PKIB: variants seen among roughly 807,000 people sequenced by gnomAD.
PKIB encodes the protein cAMP-dependent protein kinase inhibitor beta.
In PKIB, 2 loss-of-function variants were observed where a neutral mutation model predicts 4.5. That is an observed-to-expected ratio of 0.44 (90% CI 0.18 to 1.39). The LOEUF (loss-of-function observed/expected upper bound fraction) is 1.39, where lower values mean the gene tolerates loss of function less well. Ranked by LOEUF, PKIB falls within the 40% of genes most tolerant of loss-of-function variation. The pLI is 0.27. For missense variants in PKIB, 94 were observed against 92.6 expected (o/e 1.02, Z -0.06); for synonymous variants, 38 against 36.0 (o/e 1.06, Z -0.20).
rs116924275 is a variant in PKIB at position 122,535,128 on chromosome 6, C to G, written c.-247-50793C>G. ...CTTCTTTACATCTAACTGTGGAGAT[C>G]TGTTTTTAATCAATCTACGTCTGCA... is the stretch of plus-strand genomic sequence containing the variant. On this transcript the variant is annotated intron_variant, in intron 2 of 6. Coordinates refer to the PKIB transcript ENST00000392491. Among the ~76,000 whole-genome samples, 772 of 152,146 alleles carry G rather than the reference C, an allele frequency of 5.1e-3. 4 individuals carry two copies. Among genetic ancestry groups the G allele is most frequent in the Non-Finnish European group, 9.8e-3 (664 of 67,988 alleles).
chr6:122,597,194 A>G (rs935877963), intron 3 of PKIB, among the ~76,000 whole-genome samples: 11 of 152,214 alleles, frequency 7.2e-5, no homozygotes, highest in African/African-American at 2.7e-4. Flanking sequence ...ACTGGATCCA[A>G]TGAGCACAAT....
At chr6:122,547,899 A>G (rs1562247286) in intron 2 of PKIB, among the ~76,000 whole-genome samples, 1 of 6,154 alleles carries the variant, frequency 1.6e-4, no homozygotes, top group African/African-American at 3.7e-4. Context: ...AACTCACCGA[A>G]GTCACTTTGG....
intron 2 of PKIB, among the ~76,000 whole-genome samples, chr6:122,539,870 G>C (rs758080687): frequency 1.3e-5 from 2 of 151,998 alleles, no homozygotes; most frequent in Non-Finnish European, 2.9e-5. Context: ...CCTGTTATTG[G>C]TCTATTCAGA....
chr6:122,654,522 G>A (rs1330110356), intron 2 of PKIB, among the ~76,000 whole-genome samples: 2 of 152,166 alleles, frequency 1.3e-5, no homozygotes. Flanking sequence ...AATATTGTTT[G>A]TATTAATAAT....
intron 3 of PKIB, among the ~76,000 whole-genome samples, chr6:122,692,177 G>A (rs111514910): frequency 2.2e-4 from 33 of 152,268 alleles, no homozygotes; most frequent in African/African-American, 7.5e-4. Context: ...CCCAAGGCCC[G>A]CTGTAACCAT....
At chr6:122,600,697 C>G (rs1203597822) in intron 3 of PKIB, among the ~76,000 whole-genome samples, 1 of 151,964 alleles carries the variant, frequency 6.6e-6, no homozygotes, top group Non-Finnish European at 1.5e-5. Context: ...ATGACCAAGA[C>G]CAACATTAAG....
chr6:122,636,879 C>A (rs1454503732), intron 2 of PKIB, among the ~76,000 whole-genome samples: 1 of 152,132 alleles, frequency 6.6e-6, no homozygotes, highest in African/African-American at 2.4e-5. Context: ...GAAGCCAAAT[C>A]AGTTTGAGAA....
At chr6:122,722,209 G>A (rs770006463) in intron 4 of PKIB, among the ~76,000 whole-genome samples, 2 of 152,020 alleles carry the variant, frequency 1.3e-5, no homozygotes, top group Non-Finnish European at 2.9e-5. Context: ...AAAGTTGACA[G>A]CAATCATAAC....
Position 122,672,960 on chromosome 6 carries a change from G to T in PKIB, c.-75-2118G>T, listed in dbSNP as rs940944074. ...GAGACTCTCACAGTCTCAACCTTTA[G>T]TATTTTTGTGTTAAGCATATCTTCA... On this transcript the variant is annotated intron_variant, in intron 2 of 4. Transcript: ENST00000368452. Among the ~76,000 whole-genome samples the T allele has an allele frequency of 2.0e-5, 3 of 151,962 alleles. No homozygotes were observed. In the East Asian group the frequency reaches 5.8e-4, roughly 29 times the overall value.
intron 3 of PKIB, among the ~76,000 whole-genome samples, chr6:122,596,225 G>C (rs918242331): frequency 6.6e-6 from 1 of 152,134 alleles, no homozygotes; most frequent in African/African-American, 2.4e-5. Context: ...TGCTACAGCT[G>C]TCCACTTACG....
chr6:122,624,969 G>A (rs1775377321), intron 1 of PKIB, among the ~76,000 whole-genome samples: 1 of 152,136 alleles, frequency 6.6e-6, no homozygotes, highest in African/African-American at 2.4e-5. Flanking sequence ...TTTATCCTGG[G>A]GACCTGAAGT....
intron 3 of PKIB, among the ~76,000 whole-genome samples, chr6:122,688,550 T>C (rs1038594584): frequency 6.6e-6 from 1 of 152,166 alleles, no homozygotes; most frequent in Non-Finnish European, 1.5e-5. Context: ...TTTAAATGTT[T>C]GGTAGAATTT....
chr6:122,479,724 A>C (rs1401302272), intron 2 of PKIB: 1 of 152,188 alleles, frequency 6.6e-6, no homozygotes, highest in African/African-American at 2.4e-5. Context: ...CCCAAACCCA[A>C]CATCAGAGAC....
intron 2 of PKIB, among the ~76,000 whole-genome samples, chr6:122,488,237 C>T (rs771117590): frequency 3.9e-5 from 6 of 151,976 alleles, no homozygotes; most frequent in Non-Finnish European, 5.9e-5. Context: ...CACACACACA[C>T]GCATGTATGT....
At chr6:122,583,393 A>G (rs1773760480) in intron 2 of PKIB, among the ~76,000 whole-genome samples, 1 of 152,132 alleles carries the variant, frequency 6.6e-6, no homozygotes, top group Non-Finnish European at 1.5e-5. Flanking sequence ...TTTTATTCTA[A>G]TAATGACATG....
intron 2 of PKIB, among the ~76,000 whole-genome samples, chr6:122,488,315 T>A (rs927936550): frequency 2.6e-5 from 4 of 152,196 alleles, no homozygotes; most frequent in Admixed American, 1.3e-4. Flanking sequence ...TCTATTGTTA[T>A]AATTATTTAT....
intron 3 of PKIB, chr6:122,701,527 G>C (rs757197507): frequency 6.3e-7 from 1 of 1,589,444 alleles, no homozygotes; most frequent in Non-Finnish European, 8.6e-7. Context: ...TTTTCTTCTT[G>C]GGGACAAGAG....
intron 3 of PKIB, among the ~76,000 whole-genome samples, chr6:122,597,698 G>C (rs1774222016): frequency 6.6e-6 from 1 of 152,152 alleles, no homozygotes; most frequent in African/African-American, 2.4e-5. Context: ...TCTAGGTAAA[G>C]GCAACTCTAA....
chr6:122,520,217 TG>T (rs1776891787), intron 2 of PKIB, among the ~76,000 whole-genome samples: 1 of 152,186 alleles, frequency 6.6e-6, no homozygotes, highest in Non-Finnish European at 1.5e-5. Context: ...ATATATTTCC[TG>T]CAAACTAGAT....
Sources: gnomAD v4.1 joint callset for allele counts (sites outside exome capture counted in the v4.1 genomes callset) on GRCh38, gnomAD v4.1.1 for gene constraint, MANE v1.5 for transcripts, NCBI Gene and HGNC (gene_info 2026-07-23, HGNC 2026-07-21) for gene names.